C10orf71: variants seen among roughly 807,000 people sequenced by gnomAD.
The protein encoded by C10orf71 is cardiac-enriched FHL2-interacting protein.
For synonymous variants in C10orf71, 758 were observed against 726.3 expected (o/e 1.04, Z -0.70); for missense variants, 1,869 against 1,804.5 (o/e 1.04, Z -0.65).
Position 49,323,938 on chromosome 10 carries a change from G to A in C10orf71, c.1393G>A (p.Ala465Thr). The stretch of plus-strand genomic sequence containing the variant: ...CCTGGATTCAGCAGACAGCCAGCCA[G>A]CAGAGCGAACCCCATCACCCCCAGG... ...HALDSADSQP[A>T]ERTPSPPGQL... Residue 465 changes from alanine (A) to threonine (T), a missense_variant, in exon 3 of 3, where the codon GCA becomes ACA. Transcript: ENST00000374144. 6.2e-7 allele frequency: 1 copy of A among 1,613,760 alleles called. No individual in the cohort carries two copies. Among genetic ancestry groups the A allele is most frequent in the Non-Finnish European group, 8.5e-7 (1 of 1,179,830 alleles).
At position 49,326,792 on chromosome 10, in the gene C10orf71, C is replaced by T; in HGVS notation, c.4247C>T (p.Pro1416Leu). ...CCAGGAGAGGAGGGTGTAGAAGCTC[C>T]AGGCCTGGGCATCATCTCCACTGAT... ...QSPGEEGVEA[P>L]GLGIISTDDL... Residue 1416 changes from proline (P) to leucine (L), a missense_variant, in exon 3 of 3, where the codon CCA becomes CTA. Coordinates refer to ENST00000374144, the MANE Select transcript of C10orf71 (RefSeq NM_001135196.2). 6.5e-7 allele frequency: 1 copy of T among 1,550,034 alleles called. No homozygotes were observed. Among genetic ancestry groups the T allele is most frequent in the Non-Finnish European group, 8.7e-7 (1 of 1,146,972 alleles).
chr10:49,326,648 C>G lies in C10orf71; in HGVS notation c.4103C>G (p.Ser1368Cys). 1 of 1,550,052 alleles carries G rather than the reference C, an allele frequency of 6.5e-7. No homozygotes were observed. The change falls in exon 3 of 3, where the codon TCC becomes TGC. Residue 1368 changes from serine (S) to cysteine (C), a missense_variant. By Grantham distance (112) the Ser-to-Cys change is moderately radical. Coordinates refer to ENST00000374144, the MANE Select transcript of C10orf71 (RefSeq NM_001135196.2). Reference sequence around the variant, plus strand: ...TTCCTCAGGCAGGGCCCTCGTGCCTCCGCGGCCCGCGCCAGGACCCAGAGT... The same window carrying G: ...TTCCTCAGGCAGGGCCCTCGTGCCTGCGCGGCCCGCGCCAGGACCCAGAGT... The part of the protein sequence containing the change: ...PTFLRQGPRA[S>C]AARARTQSVH...
At chr10:49,305,472 A>G (rs941268515) in intron 1 of C10orf71, among the ~76,000 whole-genome samples, 2 of 152,208 alleles carry the variant, frequency 1.3e-5, no homozygotes, top group Admixed American at 6.5e-5. Flanking sequence ...AATAATAAAT[A>G]TTAATAATAC....
intron 1 of C10orf71, among the ~76,000 whole-genome samples, chr10:49,314,631 G>A (rs148190029): frequency 1.4e-3 from 207 of 152,264 alleles, no homozygotes; most frequent in African/African-American, 4.5e-3. Flanking sequence ...CCATTATGTC[G>A]TTCTGCACCT....
intron 2 of C10orf71, among the ~76,000 whole-genome samples, chr10:49,322,005 T>C (rs921676783): frequency 1.1e-4 from 16 of 152,248 alleles, no homozygotes; most frequent in Admixed American, 8.5e-4. Context: ...GAAAACATTT[T>C]CTTCCATTCC....
chr10:49,316,146 T>C lies in C10orf71; in HGVS notation c.-246T>C, dbSNP rs963401739. 3 of 152,230 alleles carry C rather than the reference T, an allele frequency of 2.0e-5. No individual in the cohort carries two copies. The highest frequency in any genetic ancestry group is 7.2e-5 in the African/African-American group (3 of 41,462). 9.4% of individuals were successfully genotyped at this position (152,230 alleles called of 1,614,324 possible). On this transcript the variant is annotated splice_region_variant and 5_prime_UTR_variant, in exon 2 of 3. An upstream start codon of the reference 5' UTR is lost. Coordinates refer to ENST00000374144, the MANE Select transcript of C10orf71 (RefSeq NM_001135196.2). ...TGAAATTATTTTTCTTCTTTCCAGATGGGCAGTGATGACACCAAATATAAG... is the reference window on the plus strand; with the variant it reads ...TGAAATTATTTTTCTTCTTTCCAGACGGGCAGTGATGACACCAAATATAAG...
upstream of C10orf71, among the ~76,000 whole-genome samples, chr10:49,298,352 A>AAC (rs1360134912): frequency 6.6e-6 from 1 of 152,166 alleles, no homozygotes; most frequent in African/African-American, 2.4e-5. Context: ...GGGGAAAAAA[A>AAC]CCCACTCTTG....
At chr10:49,320,148 TA>T (rs200342700) in intron 2 of C10orf71, among the ~76,000 whole-genome samples, 1 of 152,158 alleles carries the variant, frequency 6.6e-6, no homozygotes, top group Non-Finnish European at 1.5e-5. Context: ...TTTTGCCACT[TA>T]AAAAAGGAAA....
rs182180397 is a variant in C10orf71 at position 49,319,204 on chromosome 10, C to T, written c.-145+2957C>T. Among the ~76,000 whole-genome samples the T allele has an allele frequency of 2.6e-5, 4 of 152,214 alleles. No homozygotes were observed. In the East Asian group the frequency reaches 7.7e-4, roughly 29 times the overall value. On this transcript the variant is annotated intron_variant, in intron 2 of 2. Transcript: ENST00000374144. Reference sequence around the variant, plus strand: ...CATTCTCTTATCCCCTCCCCCAGGCCAGGCAATGTTCTAGGCAATGGGAGG... The same window carrying T: ...CATTCTCTTATCCCCTCCCCCAGGCTAGGCAATGTTCTAGGCAATGGGAGG...
In C10orf71 at chr10:49,323,680, C is replaced by A. The variant is rs185740154; in HGVS notation, c.1135C>A (p.Pro379Thr). The change falls in exon 3 of 3, where the codon CCC becomes ACC. Residue 379 changes from proline (P) to threonine (T), a missense_variant. Transcript: ENST00000374144. ...QPDSQEKPAQPPWRKPKTGKK... is the reference protein window; with the variant it reads ...QPDSQEKPAQTPWRKPKTGKK... ...TGATTCTCAAGAGAAGCCAGCCCAGCCCCCATGGAGGAAGCCAAAGACTGG... is the reference window on the plus strand; with the variant it reads ...TGATTCTCAAGAGAAGCCAGCCCAGACCCCATGGAGGAAGCCAAAGACTGG... 5.0e-6 allele frequency: 8 copies of A among 1,613,372 alleles called. No individual in the cohort carries two copies. Among genetic ancestry groups the A allele is most frequent in the Non-Finnish European group, 6.8e-6 (8 of 1,179,794 alleles).
chr10:49,297,621 C>T (rs1250985278), upstream of C10orf71, among the ~76,000 whole-genome samples: 1 of 152,158 alleles, frequency 6.6e-6, no homozygotes, highest in Non-Finnish European at 1.5e-5. Flanking sequence ...CTCCCCTGAC[C>T]CTGAATCCCA....
At chr10:49,309,544 G>C (rs759404697) in intron 1 of C10orf71, among the ~76,000 whole-genome samples, 2 of 152,226 alleles carry the variant, frequency 1.3e-5, no homozygotes, top group Non-Finnish European at 2.9e-5. Context: ...TTTAGTTCAA[G>C]CTAAGACATT....
At position 49,324,627 on chromosome 10, in the gene C10orf71, C is replaced by A. The variant is rs897010225; in HGVS notation, c.2082C>A (p.Asn694Lys). Residue 694 changes from asparagine (N) to lysine (K), a missense_variant, in exon 3 of 3, where the codon AAC (asparagine) becomes AAA (lysine). Transcript: ENST00000374144. Reference protein sequence around the residue: ...REAGLQNTHLNQKFFPGPLSP... With the variant: ...REAGLQNTHLKQKFFPGPLSP... ...CAGGACTTCAGAACACACATTTGAA[C>A]CAGAAATTCTTCCCAGGGCCCCTCT... is the stretch of plus-strand genomic sequence containing the variant. 6.2e-7 allele frequency: 1 copy of A among 1,613,872 alleles called. No individual in the cohort carries two copies. The highest frequency in any genetic ancestry group is 1.1e-5 in the South Asian group (1 of 91,052).
At position 49,325,818 on chromosome 10, in the gene C10orf71, G is replaced by A; in HGVS notation, c.3273G>A (p.Glu1091=). ...QAPGGPELLP[E]EPNQASPWAS... ...CTGGAGGACCAGAGCTGCTTCCCGA[G>A]GAGCCTAATCAAGCCAGCCCCTGGG... Residue 1091 remains glutamate (E), a synonymous_variant, in exon 3 of 3, where the codon GAG becomes GAA. Coordinates refer to ENST00000374144, the MANE Select transcript of C10orf71 (RefSeq NM_001135196.2). The A allele has an allele frequency of 2.6e-6, 4 of 1,551,480 alleles. No homozygotes were observed. Among genetic ancestry groups the A allele is most frequent in the Non-Finnish European group, 2.6e-6 (3 of 1,146,934 alleles).
chr10:49,315,799 TAA>T (rs1848990517), intron 1 of C10orf71, among the ~76,000 whole-genome samples: 1 of 152,232 alleles, frequency 6.6e-6, no homozygotes, highest in Non-Finnish European at 1.5e-5. Flanking sequence ...TTCACCCCTG[TAA>T]TCCCAGAACT....
rs556461111 is a variant in C10orf71, at chr10:49,317,519, G to T, written c.-145+1272G>T. The stretch of plus-strand genomic sequence containing the variant: ...TGTACTTAAAGACGAGGTTATTAAG[G>T]TGGGCCCTAATCCAGTATGACTGGT... On this transcript the variant is annotated intron_variant, in intron 2 of 2. Coordinates refer to ENST00000374144, the MANE Select transcript of C10orf71 (RefSeq NM_001135196.2). Among the ~76,000 whole-genome samples the T allele has an allele frequency of 3.9e-5, 6 of 152,310 alleles. No individual in the cohort carries two copies. The East Asian group carries it at 7.7e-4, about 20-fold the overall frequency.
intron 2 of C10orf71, among the ~76,000 whole-genome samples, chr10:49,318,641 C>T (rs1849039261): frequency 6.6e-6 from 1 of 152,188 alleles, no homozygotes; most frequent in African/African-American, 2.4e-5. Context: ...GTGTTGTGGT[C>T]AAGGGACGGA....
rs768662308 is a variant in C10orf71 at position 49,323,803 on chromosome 10, C to T, written c.1258C>T (p.Gln420Ter). The change falls in exon 3 of 3, where the codon CAG (glutamine) becomes TAG (stop). Residue 420 changes from glutamine (Q) to a stop codon, truncating the protein, a stop_gained. Coordinates refer to ENST00000374144, the MANE Select transcript of C10orf71 (RefSeq NM_001135196.2). LOFTEE classifies it low-confidence loss of function (END_TRUNC). ...GTATACAAAACACAACCCCCAGGAA[C>T]AGTTTTCAGAAAACAATGCTCTTGA... is the stretch of plus-strand genomic sequence containing the variant. Reference protein sequence around the residue: ...PLYTKHNPQEQFSENNALDLP... With the variant: ...PLYTKHNPQE The T allele has an allele frequency of 1.2e-6, 2 of 1,613,834 alleles. No individual in the cohort carries two copies. The highest frequency in any genetic ancestry group is 1.7e-5 in the Admixed American group (1 of 59,994).
intron 1 of C10orf71, among the ~76,000 whole-genome samples, chr10:49,310,782 T>TGAC (rs1326356624): frequency 6.7e-6 from 1 of 149,938 alleles, no homozygotes; most frequent in Non-Finnish European, 1.5e-5. Flanking sequence ...AGCCAGATGA[T>TGAC]GATGATGATG....
Sources: allele counts gnomAD v4.1 joint callset (sites outside exome capture counted in the v4.1 genomes callset), GRCh38; gene constraint gnomAD v4.1.1; transcripts MANE v1.5; gene names NCBI Gene and HGNC (gene_info 2026-07-23, HGNC 2026-07-21).